The following NLN variants were observed in gnomAD, a reference collection of about 807,000 sequenced individuals.
The protein encoded by NLN is neurolysin, mitochondrial.
NLN carries 64 observed loss-of-function variants against 79.9 expected under a neutral mutation model. The observed-to-expected ratio is 0.80, with a 90% CI of 0.65 to 0.99. The LOEUF (loss-of-function observed/expected upper bound fraction) is 0.99. Among genes scored for constraint, NLN ranks in the 50% least tolerant of loss-of-function variants. The pLI is 0.00. For synonymous variants in NLN, 267 were observed against 296.6 expected (o/e 0.90, Z 1.02); for missense variants, 835 against 858.7 (o/e 0.97, Z 0.34).
chr5:65,745,739 C>T (rs1475529821), intron 1 of NLN, among the ~76,000 whole-genome samples: 2 of 152,232 alleles, frequency 1.3e-5, no homozygotes, highest in East Asian at 3.9e-4. Flanking sequence ...GAAGTAGTAG[C>T]TTGAACTTGA....
At chr5:65,763,854 A>G (rs1418873246) in intron 3 of NLN, among the ~76,000 whole-genome samples, 3 of 152,168 alleles carry the variant, frequency 2.0e-5, no homozygotes, top group Non-Finnish European at 4.4e-5. Context: ...AGATTTAGAC[A>G]TGTAAAATGT....
intron 2 of NLN, among the ~76,000 whole-genome samples, chr5:65,761,267 A>G (rs923324136): frequency 5.9e-5 from 9 of 151,896 alleles, no homozygotes; most frequent in Admixed American, 1.3e-4. Flanking sequence ...AATATATTTC[A>G]TAGCTAATTT....
chr5:65,748,948 G>A (rs1199869648), intron 1 of NLN, among the ~76,000 whole-genome samples: 2 of 152,110 alleles, frequency 1.3e-5, no homozygotes, highest in African/African-American at 4.8e-5. Flanking sequence ...CCAATGGGAG[G>A]TCATTGAATC....
At position 65,827,979 on chromosome 5, in the gene NLN, T is replaced by G. The variant is rs1760950576; in HGVS notation, c.*5064T>G. On this transcript the variant is annotated 3_prime_UTR_variant, in exon 13 of 13. Transcript: ENST00000380985. ...TTGCAGTGAGCCGACATTGTGCCGCTTCATTCCAGCCTGGGCAACAGAGTG... is the reference window on the plus strand; with the variant it reads ...TTGCAGTGAGCCGACATTGTGCCGCGTCATTCCAGCCTGGGCAACAGAGTG... 6.6e-6 allele frequency: 1 copy of G among 152,224 alleles called. No individual in the cohort carries two copies. The highest frequency in any genetic ancestry group is 2.4e-5 in the African/African-American group (1 of 41,460). 9.4% of individuals were successfully genotyped at this position (152,224 alleles called of 1,614,324 possible). A position where few individuals can be genotyped will look rare whatever the true frequency, so the allele number is the denominator to read the frequency against.
In NLN at chr5:65,793,222, C is replaced by T. The variant is rs563135016; in HGVS notation, c.1527+567C>T. 9 of 201,266 alleles carry T rather than the reference C, an allele frequency of 4.5e-5. No homozygotes were observed. In the Admixed American group the frequency reaches 4.9e-4, roughly 11 times the overall value. The allele number at this position is 201,266 out of a possible 1,614,324, so 12.5% of individuals were successfully genotyped here. Reference sequence around the variant, plus strand: ...TCTGAAAATAAAAAGTACATTTATTCTCAACTTTGTAATACAGTCCATTTA... The same window carrying T: ...TCTGAAAATAAAAAGTACATTTATTTTCAACTTTGTAATACAGTCCATTTA... On this transcript the variant is annotated intron_variant, in intron 9 of 12. Transcript: ENST00000380985.
rs1004582881 is a variant in NLN, at chr5:65,829,102, A to G, written c.*6187A>G. ...TTACTCTCTGTCCATTCCACTCACTACTGTCTTCATCACACACACAGAGGC... is the reference window on the plus strand; with the variant it reads ...TTACTCTCTGTCCATTCCACTCACTGCTGTCTTCATCACACACACAGAGGC... On this transcript the variant is annotated 3_prime_UTR_variant, in exon 13 of 13. Transcript: ENST00000380985. 6.6e-6 allele frequency: 1 copy of G among 152,108 alleles called. No individual in the cohort carries two copies. Among genetic ancestry groups the G allele is most frequent in the Non-Finnish European group, 1.5e-5 (1 of 68,030 alleles). The allele number at this position is 152,108 out of a possible 1,614,324, so 9.4% of individuals were successfully genotyped here.
intron 1 of NLN, among the ~76,000 whole-genome samples, chr5:65,748,281 G>C (rs910810646): frequency 2.0e-5 from 3 of 152,122 alleles, no homozygotes. Flanking sequence ...AGAAAATAGA[G>C]GGATTAAAGG....
Position 65,788,016 on chromosome 5 carries a change from G to C in NLN, c.959-102G>C, listed in dbSNP as rs929408361. On this transcript the variant is annotated intron_variant, in intron 7 of 12. Transcript: ENST00000380985. ...TTTCCGCCTTATTTATCTGTATTGA[G>C]TACTGCAAAGGAGGAAGCACCATGC... 7 of 1,115,778 alleles carry C rather than the reference G, an allele frequency of 6.3e-6. No homozygotes were observed. The Admixed American group carries it at 6.5e-5, about 10-fold the overall frequency. The allele number at this position is 1,115,778 out of a possible 1,614,324, so 69.1% of individuals were successfully genotyped here.
chr5:65,793,362 A>G lies in NLN; in HGVS notation c.1527+707A>G, dbSNP rs888501784. 3 of 155,206 alleles carry G rather than the reference A, an allele frequency of 1.9e-5. No individual in the cohort carries two copies. The East Asian group carries it at 5.7e-4, about 29-fold the overall frequency. The allele number at this position is 155,206 out of a possible 1,614,324, so 9.6% of individuals were successfully genotyped here. ...ACCGTAATAGTTGAAATATACTGTT[A>G]TTTGGCTGGGCATGGTGGCTCATGC... is the stretch of plus-strand genomic sequence containing the variant. On this transcript the variant is annotated intron_variant, in intron 9 of 12. Coordinates refer to ENST00000380985, the MANE Select transcript of NLN (RefSeq NM_020726.5).
At chr5:65,816,385 G>C (rs1358383818) in intron 12 of NLN, among the ~76,000 whole-genome samples, 1 of 152,114 alleles carries the variant, frequency 6.6e-6, no homozygotes, top group Non-Finnish European at 1.5e-5. Context: ...TTTGGAGAAG[G>C]TGAAAGATGG....
chr5:65,759,232 G>A (rs1003572379), intron 2 of NLN, among the ~76,000 whole-genome samples: 3 of 152,068 alleles, frequency 2.0e-5, no homozygotes, highest in African/African-American at 7.2e-5. Context: ...AATAAATTAT[G>A]AAACATCCAT....
At chr5:65,758,868 A>C in intron 2 of NLN, 42 bp downstream of exon 2, 2 of 1,557,106 alleles carry the variant, frequency 1.3e-6, no homozygotes, top group Non-Finnish European at 1.8e-6. Context: ...CACTTTGTGG[A>C]CATCTTAAAT....
At chr5:65,730,828 AG>A (rs1316788171) in intron 1 of NLN, among the ~76,000 whole-genome samples, 2 of 152,238 alleles carry the variant, frequency 1.3e-5, no homozygotes, top group African/African-American at 4.8e-5. Flanking sequence ...CTGGGATTAC[AG>A]GCGTGAGCCA....
chr5:65,760,053 G>A (rs1228232002), intron 2 of NLN, among the ~76,000 whole-genome samples: 1 of 152,100 alleles, frequency 6.6e-6, no homozygotes, highest in Non-Finnish European at 1.5e-5. Flanking sequence ...CTGCAGAACT[G>A]GATATTGTAA....
At chr5:65,729,909 C>T (rs926874231) in intron 1 of NLN, among the ~76,000 whole-genome samples, 1 of 152,184 alleles carries the variant, frequency 6.6e-6, no homozygotes, top group African/African-American at 2.4e-5. Flanking sequence ...ATCATAGAGT[C>T]GACTATATAA....
chr5:65,784,688 C>CG (rs1423838484), intron 6 of NLN, among the ~76,000 whole-genome samples: 2 of 152,184 alleles, frequency 1.3e-5, no homozygotes, highest in African/African-American at 4.8e-5. Context: ...TTTTGGGGAA[C>CG]ATTCAGACCA....
At chr5:65,739,862 A>G (rs1758833316) in intron 1 of NLN, among the ~76,000 whole-genome samples, 2 of 152,006 alleles carry the variant, frequency 1.3e-5, no homozygotes, top group African/African-American at 2.4e-5. Context: ...TTTTCTTGCT[A>G]TTGAATTTAT....
chr5:65,809,536 G>C lies in NLN; in HGVS notation c.1549G>C (p.Gly517Arg), dbSNP rs373497025. The C allele has an allele frequency of 1.7e-5, 27 of 1,602,356 alleles. No homozygotes were observed. In the African/African-American group the frequency reaches 3.6e-4, roughly 22 times the overall value. Reference sequence around the variant, plus strand: ...CTAGACTGATTTTGCACGATTTAGCGGAACAAATGTGGAAACTGACTTTGT... The same window carrying C: ...CTAGACTGATTTTGCACGATTTAGCCGAACAAATGTGGAAACTGACTTTGT... ...CAQTDFARFS[G>R]TNVETDFVEV... The change falls in exon 10 of 13, where the codon GGA (glycine) becomes CGA (arginine). Residue 517 changes from glycine (G) to arginine (R), a missense_variant. Gly to Arg is a moderately radical substitution (Grantham distance 125). Transcript: ENST00000380985.
At chr5:65,735,513 C>T (rs986350825) in intron 1 of NLN, among the ~76,000 whole-genome samples, 1 of 152,098 alleles carries the variant, frequency 6.6e-6, no homozygotes, top group South Asian at 2.1e-4. Flanking sequence ...CCTTTTCCAC[C>T]AACACCAAGT....
Sources: gnomAD v4.1 joint callset for allele counts (sites outside exome capture counted in the v4.1 genomes callset) on GRCh38, gnomAD v4.1.1 for gene constraint, MANE v1.5 for transcripts, NCBI Gene and HGNC (gene_info 2026-07-23, HGNC 2026-07-21) for gene names.